Variants in SLC7A2 observed in about 807,000 individuals in gnomAD.
SLC7A2 encodes cationic amino acid transporter 2.
A neutral mutation model predicts 58.9 loss-of-function variants in SLC7A2; 48 were observed. The ratio of observed to expected loss-of-function variants is 0.82; its 90% CI spans 0.65 to 1.04. The LOEUF (loss-of-function observed/expected upper bound fraction) is 1.04, where lower values mean the gene tolerates loss of function less well. SLC7A2 is among the 50% of genes least tolerant of loss of function. The probability of loss-of-function intolerance (pLI) is 0.00; values close to 1 mark genes in which losing one functional copy is unlikely to be tolerated. For synonymous variants in SLC7A2, 363 were observed against 314.5 expected (o/e 1.15, Z -1.63); for missense variants, 1,029 against 818.8 (o/e 1.26, Z -3.13).
At chr8:17,500,620 A>G (rs2150636762) in intron 1 of SLC7A2, 1 of 152,318 alleles carries the variant, frequency 6.6e-6, no homozygotes, top group African/African-American at 2.4e-5. Context: ...AAAGTAAAAT[A>G]AAAAATAAAA....
intron 2 of SLC7A2, 101 bp from the exon 3 acceptor site, chr8:17,543,195 CACACACACACACACACACACAA>C: frequency 2.8e-6 from 2 of 710,942 alleles, no homozygotes; most frequent in Admixed American, 6.3e-5. Context: ...GTGAAACACA[CACACACACACACACACACACAA>C]ACACACACAC....
intron 4 of SLC7A2, among the ~76,000 whole-genome samples, chr8:17,544,840 A>T (rs544065504): frequency 2.0e-5 from 3 of 152,342 alleles, no homozygotes; most frequent in Admixed American, 1.3e-4. Context: ...CACCTGGTAC[A>T]CACTAAATAA....
chr8:17,536,758 TAGC>T (rs1191221318), intron 2 of SLC7A2, among the ~76,000 whole-genome samples: 5 of 152,176 alleles, frequency 3.3e-5, no homozygotes, highest in African/African-American at 1.2e-4. Context: ...TGGCTGAAGG[TAGC>T]AGATTGGAAG....
At chr8:17,554,753 T>G (rs746309731) in intron 8 of SLC7A2, 54 bp downstream of exon 8, 38 of 1,534,684 alleles carry the variant, frequency 2.5e-5, no homozygotes, top group Non-Finnish European at 3.3e-5. Flanking sequence ...CATCAAGGAC[T>G]CTGCATTAAA....
chr8:17,529,416 T>C (rs896379270), intron 2 of SLC7A2, among the ~76,000 whole-genome samples: 13 of 152,226 alleles, frequency 8.5e-5, no homozygotes, highest in African/African-American at 2.2e-4. Context: ...TTTCCCTTCA[T>C]TGGGGATGGG....
intron 9 of SLC7A2, 133 bp from the exon 10 acceptor site, chr8:17,560,195 T>G (rs1802898373): frequency 1.5e-6 from 1 of 664,418 alleles, no homozygotes; most frequent in Admixed American, 2.5e-5. Flanking sequence ...GCTCTGGGAC[T>G]GGAGTCATAA....
rs117257891 is a variant in SLC7A2, at chr8:17,547,333, G to A, written c.533-1345G>A. 9.2e-5 allele frequency among the ~76,000 whole-genome samples: 14 copies of A among 152,208 alleles called. No homozygotes were observed. The East Asian group carries it at 2.1e-3, about 23-fold the overall frequency. On this transcript the variant is annotated intron_variant, in intron 4 of 12. Transcript: ENST00000494857. Reference sequence around the variant, plus strand: ...TCTCATGAGGTGTATTCAGTATCATGAGAACAGCACAGAAAACCTGCCCCC... The same window carrying A: ...TCTCATGAGGTGTATTCAGTATCATAAGAACAGCACAGAAAACCTGCCCCC...
At chr8:17,562,328 C>T (rs1803056501) in intron 11 of SLC7A2, among the ~76,000 whole-genome samples, 1 of 151,630 alleles carries the variant, frequency 6.6e-6, no homozygotes, top group Non-Finnish European at 1.5e-5. Context: ...GCCTCGGACT[C>T]CCCAGTAGCT....
At chr8:17,528,234 A>T (rs1801297337) in intron 2 of SLC7A2, among the ~76,000 whole-genome samples, 1 of 152,198 alleles carries the variant, frequency 6.6e-6, no homozygotes, top group African/African-American at 2.4e-5. Flanking sequence ...GAACAAAGCA[A>T]AAAGAATTAA....
chr8:17,496,772 A>T (rs1297126264), upstream of SLC7A2, among the ~76,000 whole-genome samples: 1 of 152,196 alleles, frequency 6.6e-6, no homozygotes, highest in Non-Finnish European at 1.5e-5. Context: ...TGCTTAGAAG[A>T]TTCGGAAATG....
intron 2 of SLC7A2, among the ~76,000 whole-genome samples, chr8:17,532,225 ATCTC>A (rs2150714196): frequency 1.3e-5 from 1 of 78,584 alleles, no homozygotes; most frequent in East Asian, 3.5e-4. Flanking sequence ...GCAAGACTCT[ATCTC>A]AAAAAAAAAA....
intron 2 of SLC7A2, among the ~76,000 whole-genome samples, chr8:17,519,918 G>A (rs1010748294): frequency 1.3e-5 from 2 of 152,118 alleles, no homozygotes; most frequent in African/African-American, 4.8e-5. Context: ...CCCTGGGAAT[G>A]GATTCATTTT....
At chr8:17,523,197 C>G (rs540548009) in intron 2 of SLC7A2, among the ~76,000 whole-genome samples, 2 of 151,988 alleles carry the variant, frequency 1.3e-5, no homozygotes, top group Admixed American at 1.3e-4. Flanking sequence ...ACCATACGGC[C>G]AAAAGTAATC....
intron 2 of SLC7A2, among the ~76,000 whole-genome samples, chr8:17,542,742 T>C (rs1465148622): frequency 6.6e-6 from 1 of 152,136 alleles, no homozygotes; most frequent in Non-Finnish European, 1.5e-5. Context: ...CCTTTCCTTG[T>C]AGTGAGAATG....
chr8:17,507,859 T>G (rs916873203), intron 2 of SLC7A2, among the ~76,000 whole-genome samples: 1 of 152,130 alleles, frequency 6.6e-6, no homozygotes, highest in Non-Finnish European at 1.5e-5. Flanking sequence ...GAAAAGGAAG[T>G]TTTTAGATTT....
chr8:17,561,320 A>G (rs1802971900), intron 10 of SLC7A2, among the ~76,000 whole-genome samples: 1 of 152,160 alleles, frequency 6.6e-6, no homozygotes, highest in Non-Finnish European at 1.5e-5. Flanking sequence ...GTGGAAGGCG[A>G]AAGGCACATC....
chr8:17,496,244 C>G (rs139389596), upstream of SLC7A2, among the ~76,000 whole-genome samples: 4 of 152,098 alleles, frequency 2.6e-5, no homozygotes, highest in Non-Finnish European at 5.9e-5. Context: ...ATAGCTTGAG[C>G]CCAGGAGGTC....
At chr8:17,532,790 G>A (rs1225616872) in intron 2 of SLC7A2, among the ~76,000 whole-genome samples, 1 of 152,106 alleles carries the variant, frequency 6.6e-6, no homozygotes, top group Non-Finnish European at 1.5e-5. Flanking sequence ...AAAAGCATTA[G>A]ACGCCCTGCA....
chr8:17,547,143 C>T (rs1802210198), intron 4 of SLC7A2, among the ~76,000 whole-genome samples: 2 of 152,026 alleles, frequency 1.3e-5, no homozygotes. Context: ...ATACCCAAGA[C>T]TTGGTAATTT....
Sources: gnomAD v4.1 joint callset for allele counts (sites outside exome capture counted in the v4.1 genomes callset) on GRCh38, gnomAD v4.1.1 for gene constraint, MANE v1.5 for transcripts, NCBI Gene and HGNC (gene_info 2026-07-23, HGNC 2026-07-21) for gene names.